WDFY2: variants seen among roughly 807,000 people sequenced by gnomAD.
WDFY2 encodes the protein WD repeat and FYVE domain-containing protein 2.
WDFY2 carries 36 observed loss-of-function variants against 56.4 expected under a neutral mutation model. The ratio of observed to expected loss-of-function variants is 0.64; its 90% confidence interval spans 0.49 to 0.84. The LOEUF is 0.84. Ranked by LOEUF, WDFY2 falls within the 40% of genes least tolerant of loss-of-function variation. The pLI is 0.00. For synonymous variants in WDFY2, 176 were observed against 183.7 expected, an observed-to-expected ratio of 0.96 and a Z score of 0.34; for missense variants, 444 against 512.2, an observed-to-expected ratio of 0.87 and a Z score of 1.29.
chr13:51,607,483 T>C (rs1032839967), intron 1 of WDFY2, among the ~76,000 whole-genome samples: 1 of 152,132 alleles, frequency 6.6e-6, no homozygotes. Context: ...GAGAGATTTC[T>C]GAGAACATTT....
chr13:51,745,054 A>G (rs941871900), intron 7 of WDFY2, among the ~76,000 whole-genome samples: 3 of 152,218 alleles, frequency 2.0e-5, no homozygotes, highest in South Asian at 2.1e-4. Flanking sequence ...GCTGCCAGCT[A>G]TGAGTGGCAA....
At chr13:51,720,247 CTG>C (rs1180111458) in intron 5 of WDFY2, among the ~76,000 whole-genome samples, 1 of 152,162 alleles carries the variant, frequency 6.6e-6, no homozygotes, top group Non-Finnish European at 1.5e-5. Context: ...TTCTTTGAAA[CTG>C]TGCGGCATTC....
chr13:51,630,466 CTT>C (rs1166268063), intron 1 of WDFY2, among the ~76,000 whole-genome samples: 2 of 141,218 alleles, frequency 1.4e-5, no homozygotes, highest in African/African-American at 2.6e-5. Context: ...CCCTTTCTTT[CTT>C]TTTTTTTTTT....
intron 1 of WDFY2, among the ~76,000 whole-genome samples, chr13:51,631,723 C>T (rs577627481): frequency 6.6e-6 from 1 of 152,268 alleles, no homozygotes; most frequent in Admixed American, 6.5e-5. Flanking sequence ...AGACGAGGAT[C>T]TTGCCATGTT....
At position 51,751,270 on chromosome 13, in the gene WDFY2, G is replaced by A. The variant is rs765409045; in HGVS notation, c.726-40G>A. On this transcript the variant is annotated intron_variant, in intron 7 of 11. Transcript: ENST00000298125. ...GTTTCTGCTGCGAGGCCTTGCATTT[G>A]TTCTCCTAAACTGTCAATAACCCTT... 2.5e-6 allele frequency: 4 copies of A among 1,595,748 alleles called. No homozygotes were observed. The African/African-American group carries it at 5.4e-5, about 22-fold the overall frequency.
chr13:51,691,126 T>A (rs1280831790), intron 3 of WDFY2, among the ~76,000 whole-genome samples: 1 of 151,994 alleles, frequency 6.6e-6, no homozygotes, highest in Non-Finnish European at 1.5e-5. Flanking sequence ...GTTGCGAAAA[T>A]TTTCTCCCAT....
chr13:51,652,334 C>G (rs1159622645), intron 1 of WDFY2, among the ~76,000 whole-genome samples: 1 of 152,204 alleles, frequency 6.6e-6, no homozygotes, highest in Non-Finnish European at 1.5e-5. Flanking sequence ...ATACAGCACA[C>G]TGATAGGTCT....
intron 1 of WDFY2, among the ~76,000 whole-genome samples, chr13:51,652,390 T>G (rs1022002327): frequency 6.6e-6 from 1 of 152,238 alleles, no homozygotes; most frequent in Non-Finnish European, 1.5e-5. Flanking sequence ...AATTGGAGCA[T>G]TTAGCCCATT....
intron 5 of WDFY2, among the ~76,000 whole-genome samples, chr13:51,726,343 CCCT>C (rs1334009073): frequency 7.9e-5 from 12 of 152,094 alleles, no homozygotes; most frequent in African/African-American, 2.9e-4. Flanking sequence ...TTCAGTAAGT[CCCT>C]TATTGATAGA....
At chr13:51,653,790 G>C (rs1679660422) in intron 1 of WDFY2, among the ~76,000 whole-genome samples, 1 of 151,570 alleles carries the variant, frequency 6.6e-6, no homozygotes, top group Non-Finnish European at 1.5e-5. Context: ...GGAGTACCTG[G>C]CCGTGTGAGG....
intron 1 of WDFY2, among the ~76,000 whole-genome samples, chr13:51,605,615 T>C (rs1010916891): frequency 6.6e-6 from 1 of 152,240 alleles, no homozygotes; most frequent in African/African-American, 2.4e-5. Context: ...GAAATAATTT[T>C]GGTAGAAATG....
chr13:51,655,602 G>T (rs143169176), intron 1 of WDFY2, among the ~76,000 whole-genome samples: 10 of 152,110 alleles, frequency 6.6e-5, no homozygotes, highest in East Asian at 1.9e-4. Flanking sequence ...GTATTTTGTT[G>T]TGCAGTTTTG....
intron 1 of WDFY2, chr13:51,590,899 A>T (rs1211950934): frequency 6.6e-6 from 1 of 152,204 alleles, no homozygotes; most frequent in Non-Finnish European, 1.5e-5. Context: ...TTAATTCAGA[A>T]GTATGAGAAA....
intron 1 of WDFY2, among the ~76,000 whole-genome samples, chr13:51,611,332 C>T (rs932668875): frequency 6.6e-6 from 1 of 152,168 alleles, no homozygotes. Context: ...TTCAAAACCT[C>T]ACATTTTACT....
Position 51,762,873 on chromosome 13 carries a change from CAT to C in WDFY2, c.*3105_*3106del, listed in dbSNP as rs1432370993. 2 of 152,366 alleles carry C rather than the reference CAT, an allele frequency of 1.3e-5. No homozygotes were observed. The highest frequency in any genetic ancestry group is 6.5e-5 in the Admixed American group (1 of 15,304). 9.4% of individuals were successfully genotyped at this position (152,366 alleles called of 1,614,324 possible). On this transcript the variant is annotated 3_prime_UTR_variant, in exon 12 of 12. Coordinates refer to ENST00000298125, the MANE Select transcript of WDFY2 (RefSeq NM_052950.4). ...CTACCTGATGGGGCAAAACCAACCA[CAT>C]GTTCTTGGTTCCTCCAAACGAATGA... is the stretch of plus-strand genomic sequence containing the variant.
rs1206612943 is a variant in WDFY2, at chr13:51,694,773, G to A, written c.280-8823G>A. ...GTTCTCCTGGATAATATCCTGCAGA[G>A]TGTTTTCCAACTTGGTTCCATTTTC... On this transcript the variant is annotated intron_variant, in intron 3 of 11. Transcript: ENST00000298125. 4.2e-3 allele frequency among the ~76,000 whole-genome samples: 643 copies of A among 152,106 alleles called. 2 individuals carry two copies. The highest frequency in any genetic ancestry group is 0.012 in the African/African-American group (498 of 41,414).
Position 51,584,683 on chromosome 13 carries a change from C to G in WDFY2, c.-5C>G. 1.9e-6 allele frequency: 3 copies of G among 1,610,396 alleles called. No individual in the cohort carries two copies. The highest frequency in any genetic ancestry group is 2.5e-6 in the Non-Finnish European group (3 of 1,178,806). ...GGCGGCGCCCCAGGCGCGCCCCCTC[C>G]TCCGATGGCGGCGGAGATCCAGCCC... On this transcript the variant is annotated 5_prime_UTR_variant, in exon 1 of 12. Transcript: ENST00000298125.
At chr13:51,603,907 A>G (rs1035076859) in intron 1 of WDFY2, among the ~76,000 whole-genome samples, 5 of 152,190 alleles carry the variant, frequency 3.3e-5, no homozygotes, top group African/African-American at 1.2e-4. Context: ...TTACCTGGGT[A>G]TCAGAAATAT....
chr13:51,756,409 C>T lies in WDFY2; in HGVS notation c.1011C>T (p.Phe337=), dbSNP rs775931117. 6 of 1,614,068 alleles carry T rather than the reference C, an allele frequency of 3.7e-6. No individual in the cohort carries two copies. The highest frequency in any genetic ancestry group is 2.2e-5 in the East Asian group (1 of 44,878). ...GCTCCTCCATCCCCCTGATGGGCTT[C>T]GAGTTTGAAGTGAGGGTCTGTGACA... ...SKRSSIPLMG[F]EFEVRVCDSC... The change falls in exon 10 of 12, where the codon TTC becomes TTT. Residue 337 remains phenylalanine (F), a synonymous_variant. Transcript: ENST00000298125.
Sources: allele counts gnomAD v4.1 joint callset (sites outside exome capture counted in the v4.1 genomes callset), GRCh38; gene constraint gnomAD v4.1.1; transcripts MANE v1.5; gene names NCBI Gene and HGNC (gene_info 2026-07-23, HGNC 2026-07-21).